Variants in SMG7 observed in about 807,000 individuals in gnomAD.
The protein encoded by SMG7 is SMG7 nonsense mediated mRNA decay factor.
A neutral mutation model predicts 148.2 loss-of-function variants in SMG7; 34 were observed. The ratio of observed to expected loss-of-function variants is 0.23; its 90% CI spans 0.17 to 0.31. The LOEUF (loss-of-function observed/expected upper bound fraction) is 0.31. Among genes scored for constraint, SMG7 ranks in the 10% least tolerant of loss-of-function variants. The probability of loss-of-function intolerance (pLI) is 1.00; values close to 1 mark genes in which losing one functional copy is unlikely to be tolerated. For synonymous variants in SMG7, 492 were observed against 515.1 expected (o/e 0.96, Z 0.61); for missense variants, 1,114 against 1,408.4 (o/e 0.79, Z 3.35).
Position 183,553,272 on chromosome 1 carries a change from A to ATT in SMG7, c.*1343_*1344dup, listed in dbSNP as rs1485640471. ...TCTTGTGTAGAAACAGAAGGACAGCATTTCTGTTAGTCATTTCCTGGAAAA... is the reference window on the plus strand; with the variant it reads ...TCTTGTGTAGAAACAGAAGGACAGCATTTTTCTGTTAGTCATTTCCTGGAAAA... On this transcript the variant is annotated 3_prime_UTR_variant, in exon 23 of 23. Transcript: ENST00000688051. The ATT allele has an allele frequency of 8.1e-6, 11 of 1,354,880 alleles. No homozygotes were observed. The African/African-American group carries it at 1.2e-4, about 14-fold the overall frequency. 83.9% of individuals were successfully genotyped at this position (1,354,880 alleles called of 1,614,324 possible).
chr1:183,531,713 C>A (rs1056285859), intron 8 of SMG7, among the ~76,000 whole-genome samples: 3 of 152,108 alleles, frequency 2.0e-5, no homozygotes, highest in Non-Finnish European at 2.9e-5. Flanking sequence ...TGACCCTCTT[C>A]AGTAGGATAT....
At chr1:183,547,004 C>T (rs1670041114) in intron 17 of SMG7, 99 bp from the exon 18 acceptor site, 2 of 1,189,556 alleles carry the variant, frequency 1.7e-6, no homozygotes, top group Non-Finnish European at 1.2e-6. Context: ...CTCACTATCC[C>T]CTTGACTTTA....
chr1:183,478,970 T>C (rs1026971621), intron 1 of SMG7, among the ~76,000 whole-genome samples: 2 of 152,186 alleles, frequency 1.3e-5, no homozygotes, highest in East Asian at 3.8e-4. Flanking sequence ...AATAGACTTA[T>C]CAGCTGTCTG....
intron 11 of SMG7, among the ~76,000 whole-genome samples, chr1:183,537,460 C>A (rs1667996606): frequency 6.6e-6 from 1 of 152,110 alleles, no homozygotes; most frequent in Non-Finnish European, 1.5e-5. Context: ...CCTTCAGATT[C>A]TTTCATTCCT....
chr1:183,488,922 G>T (rs1035933676), intron 1 of SMG7, among the ~76,000 whole-genome samples: 1 of 152,128 alleles, frequency 6.6e-6, no homozygotes, highest in African/African-American at 2.4e-5. Flanking sequence ...GACCTTAGGT[G>T]ATCCACCCGC....
At chr1:183,530,513 A>G (rs1001872449) in intron 8 of SMG7, among the ~76,000 whole-genome samples, 2 of 152,132 alleles carry the variant, frequency 1.3e-5, no homozygotes, top group Non-Finnish European at 2.9e-5. Context: ...GGGTGTGTGA[A>G]AGGAACAGCT....
intron 1 of SMG7, chr1:183,472,907 T>A: frequency 2.7e-6 from 1 of 371,282 alleles, no homozygotes; most frequent in Non-Finnish European, 4.8e-6. Context: ...AGCGTGAGAA[T>A]GTGCGCGCGC....
chr1:183,547,188 A>T lies in SMG7; in HGVS notation c.2828A>T (p.Asn943Ile). The T allele has an allele frequency of 6.5e-7, 1 of 1,549,774 alleles. No individual in the cohort carries two copies. Among genetic ancestry groups the T allele is most frequent in the Non-Finnish European group, 8.7e-7 (1 of 1,146,778 alleles). ...GAAGAGGAAGAGCTGATTTTTTCTA[A>T]CCCTCCTGATCTTTACCCGGCTCTG... ...LEEEEELIFS[N>I]PPDLYPALLG... is the part of the protein sequence containing the mutation. The change falls in exon 18 of 23, where the codon AAC (asparagine) becomes ATC (isoleucine). Residue 943 changes from asparagine (N) to isoleucine (I), a missense_variant. Asn to Ile is a moderately radical substitution (Grantham distance 149). This residue lies in a region of SMG7 where 788 missense variants were observed against 894.5 expected (regional missense o/e 0.88). Transcript: ENST00000688051.
At position 183,553,239 on chromosome 1, in the gene SMG7, G is replaced by A; in HGVS notation, c.*1308G>A. On this transcript the variant is annotated 3_prime_UTR_variant, in exon 23 of 23. Coordinates refer to ENST00000688051, the MANE Select transcript of SMG7 (RefSeq NM_001375584.1). Reference sequence around the variant, plus strand: ...ATATTTATTAGGAGGAAAGAGGACTGAAAATGTTCTTGTGTAGAAACAGAA... The same window carrying A: ...ATATTTATTAGGAGGAAAGAGGACTAAAAATGTTCTTGTGTAGAAACAGAA... 6.7e-7 allele frequency: 1 copy of A among 1,499,952 alleles called. No individual in the cohort carries two copies. The allele number at this position is 1,499,952 out of a possible 1,614,324, so 92.9% of individuals were successfully genotyped here. A position where few individuals can be genotyped will look rare whatever the true frequency, so the allele number is the denominator to read the frequency against.
chr1:183,526,105 G>A (rs1331880578), intron 4 of SMG7, among the ~76,000 whole-genome samples: 3 of 150,306 alleles, frequency 2.0e-5, no homozygotes, highest in Non-Finnish European at 4.4e-5. Flanking sequence ...TATAATGAAT[G>A]ATACTAGTTA....
chr1:183,546,003 C>T lies in SMG7; in HGVS notation c.2408C>T (p.Pro803Leu), dbSNP rs769164089. 2.5e-5 allele frequency: 41 copies of T among 1,611,502 alleles called. No individual in the cohort carries two copies. Among genetic ancestry groups the T allele is most frequent in the Non-Finnish European group, 3.5e-5 (41 of 1,179,086 alleles). Residue 803 changes from proline (P) to leucine (L), a missense_variant, in exon 17 of 23, where the codon CCC (proline) becomes CTC (leucine). Transcript: ENST00000688051. The part of the protein sequence containing the change: ...QADASKQLWN[P>L]PQVQGPLGKI... ...GATGCCTCCAAACAGCTGTGGAATC[C>T]CCCTCAGGTTCAAGGCCCATTAGGG...
At chr1:183,515,357 A>G (rs1663235862) in intron 2 of SMG7, among the ~76,000 whole-genome samples, 1 of 152,216 alleles carries the variant, frequency 6.6e-6, no homozygotes. Flanking sequence ...GCAGAATACC[A>G]AAGCAACTGC....
intron 1 of SMG7, chr1:183,508,069 C>T: frequency 3.8e-6 from 2 of 527,842 alleles, no homozygotes; most frequent in Non-Finnish European, 4.8e-6. Context: ...TGTTGCCATA[C>T]CCTCTACCAA....
rs1312079950 is a variant in SMG7, at chr1:183,542,246, C to T, written c.1586C>T (p.Thr529Ile). 6.2e-7 allele frequency: 1 copy of T among 1,613,974 alleles called. No individual in the cohort carries two copies. Among genetic ancestry groups the T allele is most frequent in the African/African-American group, 1.3e-5 (1 of 74,898 alleles). ...CCAGGGCTAAAATCAGTGCTATCTACAAGCCGAAATTTAAGCAACAACTGT... is the reference window on the plus strand; with the variant it reads ...CCAGGGCTAAAATCAGTGCTATCTATAAGCCGAAATTTAAGCAACAACTGT... Reference protein sequence around the residue: ...GSPGLKSVLSTSRNLSNNCDT... With the variant: ...GSPGLKSVLSISRNLSNNCDT... The change falls in exon 14 of 23, where the codon ACA (threonine) becomes ATA (isoleucine). Residue 529 changes from threonine (T) to isoleucine (I), a missense_variant. This residue lies in a region of SMG7 where 788 missense variants were observed against 894.5 expected (regional missense o/e 0.88). Coordinates refer to ENST00000688051, the MANE Select transcript of SMG7 (RefSeq NM_001375584.1).
intron 4 of SMG7, among the ~76,000 whole-genome samples, chr1:183,526,046 A>G (rs917021022): frequency 4.0e-5 from 6 of 151,802 alleles, no homozygotes; most frequent in Admixed American, 3.3e-4. Flanking sequence ...ATGCTGCTGT[A>G]TGCACATCCT....
chr1:183,480,029 G>A (rs1653671315), intron 1 of SMG7, among the ~76,000 whole-genome samples: 3 of 152,152 alleles, frequency 2.0e-5, no homozygotes, highest in Non-Finnish European at 4.4e-5. Flanking sequence ...TAGGTTTATG[G>A]ACAGAGAAGT....
At chr1:183,526,566 A>T in intron 4 of SMG7, 30 bp from the exon 5 acceptor site, 1 of 1,492,246 alleles carries the variant, frequency 6.7e-7, no homozygotes, top group South Asian at 1.2e-5. Flanking sequence ...CTTGTGACTT[A>T]CTACTAAATT....
chr1:183,513,289 T>C (rs1350100575), intron 2 of SMG7: 1 of 155,054 alleles, frequency 6.4e-6, no homozygotes, highest in African/African-American at 2.4e-5. Context: ...AGAAAAAATA[T>C]TTATAGAAAA....
In SMG7 at chr1:183,472,603, C is replaced by T; in HGVS notation, c.-18C>T. 1.5e-6 allele frequency: 2 copies of T among 1,376,094 alleles called. No homozygotes were observed. The highest frequency in any genetic ancestry group is 9.5e-7 in the Non-Finnish European group (1 of 1,047,716). 85.2% of individuals were successfully genotyped at this position (1,376,094 alleles called of 1,614,324 possible). ...CCCACGGAGGCTTCGCGGGAAGACGCGGCGGCGGCGGCGGAGGATGAGCCT... is the reference window on the plus strand; with the variant it reads ...CCCACGGAGGCTTCGCGGGAAGACGTGGCGGCGGCGGCGGAGGATGAGCCT... On this transcript the variant is annotated 5_prime_UTR_variant, in exon 1 of 23. Transcript: ENST00000688051.
Sources: gnomAD v4.1 joint callset for allele counts (sites outside exome capture counted in the v4.1 genomes callset) on GRCh38, gnomAD v4.1.1 for gene constraint, gnomAD v4.1.1 regional missense constraint, MANE v1.5 for transcripts, NCBI Gene and HGNC (gene_info 2026-07-23, HGNC 2026-07-21) for gene names.